Variants in MYO18B observed in about 807,000 individuals in gnomAD.
MYO18B encodes myosin XVIIIB, also known as unconventional myosin-XVIIIb.
Under a neutral mutation model 273.0 loss-of-function variants are expected in MYO18B, and 204 were observed. The observed-to-expected ratio is 0.75, with a 90% CI of 0.67 to 0.84. MYO18B has a LOEUF of 0.84. Among genes scored for constraint, MYO18B ranks in the 40% least tolerant of loss-of-function variants. The pLI, the probability that MYO18B is intolerant of heterozygous loss-of-function variation, is 0.00. For synonymous variants in MYO18B, 1,330 were observed against 1,305.7 expected (o/e 1.02, Z -0.40); for missense variants, 3,212 against 3,287.6 (o/e 0.98, Z 0.56).
In MYO18B at chr22:25,780,117, C is replaced by T. The variant is rs778572342; in HGVS notation, c.2130C>T (p.His710=). 75 of 1,603,278 alleles carry T rather than the reference C, an allele frequency of 4.7e-5. No individual in the cohort carries two copies. Among genetic ancestry groups the T allele is most frequent in the Non-Finnish European group, 6.4e-5 (75 of 1,175,866 alleles). Residue 710 remains histidine, a synonymous_variant, in exon 9 of 44, where the codon CAC becomes CAT. Transcript: ENST00000335473. ...LRAFGSVSMA[H]SRSATRFSMV... ...CCTTCGGCTCTGTGTCCATGGCCCACAGCCGCAGTGCCACCCGGTTCTCCA... is the reference window on the plus strand; with the variant it reads ...CCTTCGGCTCTGTGTCCATGGCCCATAGCCGCAGTGCCACCCGGTTCTCCA...
intron 42 of MYO18B, among the ~76,000 whole-genome samples, chr22:26,023,221 C>T (rs2146998396): frequency 6.6e-6 from 1 of 152,292 alleles, no homozygotes; most frequent in East Asian, 1.9e-4. Flanking sequence ...CTCTAGCCTT[C>T]CTTCTCTTCT....
chr22:25,832,767 G>C, intron 15 of MYO18B, 150 bp from the exon 16 acceptor site: 1 of 614,160 alleles, frequency 1.6e-6, no homozygotes, highest in Non-Finnish European at 2.9e-6. Flanking sequence ...TAAATTTTCT[G>C]CTATGTATCT....
Position 25,868,671 on chromosome 22 carries a change from T to C in MYO18B, c.3951+286T>C, listed in dbSNP as rs541133308. On this transcript the variant is annotated intron_variant, in intron 22 of 43. Transcript: ENST00000335473. ...AGCATTCTGGTCCTCAAGATGACCT[T>C]CTGAGTCTCAGAAAGAGCTGCCATA... 3.3e-5 allele frequency among the ~76,000 whole-genome samples: 5 copies of C among 152,290 alleles called. No individual in the cohort carries two copies. In the South Asian group the frequency reaches 1.0e-3, roughly 32 times the overall value.
intron 34 of MYO18B, among the ~76,000 whole-genome samples, chr22:25,943,221 C>A (rs1334218259): frequency 1.3e-5 from 2 of 152,140 alleles, no homozygotes; most frequent in African/African-American, 4.8e-5. Flanking sequence ...CCCTTGATGG[C>A]CCATCTGCTC....
At chr22:26,037,687 G>A in the MYO18B span, among the ~76,000 whole-genome samples, 3 of 152,210 alleles carry the variant, frequency 2.0e-5, no homozygotes, top group Non-Finnish European at 1.5e-5. Flanking sequence ...GGGGTAAGAG[G>A]ATTGTTCCAT....
rs1460787769 is a variant in MYO18B, at chr22:25,780,115, C to T, written c.2128C>T (p.His710Tyr). The stretch of plus-strand genomic sequence containing the variant: ...GGCCTTCGGCTCTGTGTCCATGGCC[C>T]ACAGCCGCAGTGCCACCCGGTTCTC... Reference protein sequence around the residue: ...LRAFGSVSMAHSRSATRFSMV... With the variant: ...LRAFGSVSMAYSRSATRFSMV... Residue 710 changes from histidine (H) to tyrosine (Y), a missense_variant, in exon 9 of 44, where the codon CAC (histidine) becomes TAC (tyrosine). His to Tyr is a moderately conservative substitution (Grantham distance 83, BLOSUM62 2). Transcript: ENST00000335473. The T allele has an allele frequency of 3.1e-6, 5 of 1,603,010 alleles. No homozygotes were observed. The highest frequency in any genetic ancestry group is 4.3e-6 in the Non-Finnish European group (5 of 1,175,746).
chr22:25,771,442 T>C (rs1392310482), intron 6 of MYO18B, among the ~76,000 whole-genome samples: 1 of 152,246 alleles, frequency 6.6e-6, no homozygotes, highest in African/African-American at 2.4e-5. Context: ...CAAACTTTCT[T>C]TCAGCTTTGC....
At chr22:25,862,348 A>C (rs1460730699) in intron 21 of MYO18B, among the ~76,000 whole-genome samples, 1 of 152,158 alleles carries the variant, frequency 6.6e-6, no homozygotes, top group Non-Finnish European at 1.5e-5. Context: ...CTTTTAGGTA[A>C]GTTAAGGGAA....
At chr22:25,997,083 G>A (rs1933333747) in intron 40 of MYO18B, among the ~76,000 whole-genome samples, 1 of 151,980 alleles carries the variant, frequency 6.6e-6, no homozygotes, top group Non-Finnish European at 1.5e-5. Context: ...AACACTTTGG[G>A]AGGCCAAGGC....
In MYO18B at chr22:25,876,157, G is replaced by C. The variant is rs145222556; in HGVS notation, c.4081-32G>C. 711 of 1,595,874 alleles carry C rather than the reference G, an allele frequency of 4.5e-4. 3 individuals carry two copies. The African/African-American group carries it at 8.1e-3, about 18-fold the overall frequency. ...CTTTATCCTCACCTGGGTTGGAAAGGACCCTCCAGTCTGTGTTCTCCTTCC... is the reference window on the plus strand; with the variant it reads ...CTTTATCCTCACCTGGGTTGGAAAGCACCCTCCAGTCTGTGTTCTCCTTCC... On this transcript the variant is annotated intron_variant, in intron 23 of 43. Transcript: ENST00000335473.
chr22:25,870,766 C>A (rs966215628), intron 22 of MYO18B, among the ~76,000 whole-genome samples: 9 of 152,234 alleles, frequency 5.9e-5, no homozygotes, highest in African/African-American at 1.7e-4. Flanking sequence ...TGGAGGGGGG[C>A]AGGGCTGGCA....
chr22:25,999,353 A>G (rs959389044), intron 40 of MYO18B, among the ~76,000 whole-genome samples: 3 of 152,202 alleles, frequency 2.0e-5, no homozygotes, highest in Non-Finnish European at 4.4e-5. Flanking sequence ...GATGGGGCCA[A>G]TGAATTTACA....
chr22:25,904,953 A>C (rs1394077584), intron 31 of MYO18B, among the ~76,000 whole-genome samples: 1 of 152,168 alleles, frequency 6.6e-6, no homozygotes, highest in Non-Finnish European at 1.5e-5. Context: ...TAAAAAAAAA[A>C]AAAAAATTTC....
intron 32 of MYO18B, among the ~76,000 whole-genome samples, chr22:25,910,161 G>C (rs139698097): frequency 6.6e-6 from 1 of 152,218 alleles, no homozygotes; most frequent in African/African-American, 2.4e-5. Flanking sequence ...AGTTCAGGCT[G>C]CTGTAGCAGA....
chr22:25,831,335 G>A (rs2089699608), intron 15 of MYO18B, among the ~76,000 whole-genome samples: 1 of 152,180 alleles, frequency 6.6e-6, no homozygotes, highest in Non-Finnish European at 1.5e-5. Flanking sequence ...CAATACTGCA[G>A]TGAACATCCT....
chr22:25,743,128 TGTCCA>T, intron 1 of MYO18B, among the ~76,000 whole-genome samples: 1 of 152,360 alleles, frequency 6.6e-6, no homozygotes, highest in South Asian at 2.1e-4. Context: ...GGCTCCAAGC[TGTCCA>T]GTCTGGCCTC....
At chr22:26,028,887 CAAA>C (rs554144546) in intron 43 of MYO18B, among the ~76,000 whole-genome samples, 7 of 75,656 alleles carry the variant, frequency 9.3e-5, no homozygotes, top group African/African-American at 1.8e-4. Context: ...GACTCCGTCT[CAAA>C]AAAAAAAAAA....
chr22:25,747,763 C>T (rs1039999066), intron 1 of MYO18B, among the ~76,000 whole-genome samples: 1 of 152,220 alleles, frequency 6.6e-6, no homozygotes, highest in Non-Finnish European at 1.5e-5. Context: ...TCTGAGTCAA[C>T]CGGGGACATA....
At chr22:25,885,423 A>G (rs555230567) in intron 25 of MYO18B, among the ~76,000 whole-genome samples, 52 of 152,264 alleles carry the variant, frequency 3.4e-4, no homozygotes, top group African/African-American at 9.9e-4. Flanking sequence ...GGGAGAAGTC[A>G]TGAAGGATAA....
Sources: allele counts gnomAD v4.1 joint callset (sites outside exome capture counted in the v4.1 genomes callset), GRCh38; gene constraint gnomAD v4.1.1; transcripts MANE v1.5; gene names NCBI Gene and HGNC (gene_info 2026-07-23, HGNC 2026-07-21).